PCDHA1: variants seen among roughly 807,000 people sequenced by gnomAD.
PCDHA1 encodes protocadherin alpha-1.
Under a neutral mutation model 61.3 loss-of-function variants are expected in PCDHA1, and 42 were observed. The observed-to-expected ratio is 0.69, with a 90% CI of 0.54 to 0.89. PCDHA1 has a LOEUF of 0.89. Ranked by LOEUF, PCDHA1 falls within the 40% of genes least tolerant of loss-of-function variation. The pLI, the probability that PCDHA1 is intolerant of heterozygous loss-of-function variation, is 0.00. For synonymous variants in PCDHA1, 610 were observed against 553.8 expected, an observed-to-expected ratio of 1.10 and a Z score of -1.43; for missense variants, 1,256 against 1,235.3, an observed-to-expected ratio of 1.02 and a Z score of -0.25.
intron 1 of PCDHA1, among the ~76,000 whole-genome samples, chr5:140,918,027 G>A (rs782291548): frequency 8.5e-5 from 13 of 152,226 alleles, no homozygotes; most frequent in African/African-American, 1.9e-4. Context: ...ACCCATGAGC[G>A]TGGAAGGTCT....
At chr5:140,877,163 C>T (rs782243946) in intron 1 of PCDHA1, 3 of 1,613,816 alleles carry the variant, frequency 1.9e-6, no homozygotes, top group Non-Finnish European at 2.5e-6. Context: ...AACGCGCCGG[C>T]ACTGCTGGCG....
chr5:140,858,272 G>C, intron 1 of PCDHA1: 1 of 1,597,346 alleles, frequency 6.3e-7, no homozygotes, highest in Non-Finnish European at 8.6e-7. Flanking sequence ...GTGCTCTAGC[G>C]CGGTGGGGAG....
rs542875982 is a variant in PCDHA1 at position 140,939,696 on chromosome 5, T to C, written c.2395-39253T>C. On this transcript the variant is annotated intron_variant, in intron 1 of 3. Coordinates refer to ENST00000504120, the MANE Select transcript of PCDHA1 (RefSeq NM_018900.4). Reference sequence around the variant, plus strand: ...TATGTATGTGTGTGTTGCTGGACATTATCATTTGTGAGATACATTTATATT... The same window carrying C: ...TATGTATGTGTGTGTTGCTGGACATCATCATTTGTGAGATACATTTATATT... Among the ~76,000 whole-genome samples the C allele has an allele frequency of 1.6e-4, 24 of 152,340 alleles. No homozygotes were observed. The East Asian group carries it at 2.7e-3, about 17-fold the overall frequency.
At chr5:140,988,959 C>G (rs1308701267) in intron 3 of PCDHA1, 3 of 152,056 alleles carry the variant, frequency 2.0e-5, no homozygotes, top group Non-Finnish European at 4.4e-5. Context: ...CCTTCAAGCC[C>G]CACGATGGAG....
intron 1 of PCDHA1, chr5:140,865,407 G>A (rs2048863469): frequency 6.6e-6 from 1 of 152,160 alleles, no homozygotes; most frequent in Non-Finnish European, 1.5e-5. Flanking sequence ...TGCTGAAAAG[G>A]AATTAGTAGT....
At chr5:140,920,011 C>T (rs782647025) in intron 1 of PCDHA1, among the ~76,000 whole-genome samples, 2 of 152,088 alleles carry the variant, frequency 1.3e-5, no homozygotes, top group Non-Finnish European at 2.9e-5. Context: ...AAAGGCCATG[C>T]GAAGATGGAG....
At chr5:140,856,595 A>G in intron 1 of PCDHA1, 1 of 1,597,868 alleles carries the variant, frequency 6.3e-7, no homozygotes. Context: ...TGATATTATA[A>G]ACAAAAAAGA....
chr5:140,824,555 G>A, intron 1 of PCDHA1: 1 of 172,410 alleles, frequency 5.8e-6, no homozygotes, highest in Non-Finnish European at 1.2e-5. Context: ...GGGCTCAAGT[G>A]ATCCTCCTAT....
At chr5:140,882,860 A>G in intron 1 of PCDHA1, 1 of 1,614,218 alleles carries the variant, frequency 6.2e-7, no homozygotes, top group Non-Finnish European at 8.5e-7. Context: ...TGTACTGAGG[A>G]AAACACTGGA....
intron 1 of PCDHA1, chr5:140,842,145 G>T (rs2150330392): frequency 6.2e-7 from 1 of 1,613,710 alleles, no homozygotes; most frequent in Non-Finnish European, 8.5e-7. Context: ...GGAGCCAATG[G>T]GGCAATTTCA....
At chr5:140,895,267 T>G (rs2064938299) in intron 1 of PCDHA1, among the ~76,000 whole-genome samples, 1 of 152,162 alleles carries the variant, frequency 6.6e-6, no homozygotes. Flanking sequence ...TTTTTCTTAC[T>G]CAGGGATAAT....
intron 1 of PCDHA1, among the ~76,000 whole-genome samples, chr5:140,965,867 C>T (rs1267904737): frequency 1.3e-5 from 2 of 152,164 alleles, no homozygotes; most frequent in Non-Finnish European, 2.9e-5. Context: ...AAAATAAGGG[C>T]CACTTGGCCG....
At chr5:140,844,714 T>C (rs1779510682) in intron 1 of PCDHA1, among the ~76,000 whole-genome samples, 1 of 149,562 alleles carries the variant, frequency 6.7e-6, no homozygotes, top group Admixed American at 6.7e-5. Context: ...TCATGGCCCA[T>C]TAGTTCGTGT....
At chr5:140,858,260 G>A (rs782801879) in intron 1 of PCDHA1, 2 of 1,597,208 alleles carry the variant, frequency 1.3e-6, no homozygotes, top group South Asian at 2.2e-5. Context: ...GCCCACGCTG[G>A]TGTGCTCTAG....
intron 1 of PCDHA1, chr5:140,807,096 GA>G: frequency 7.2e-7 from 1 of 1,390,120 alleles, no homozygotes; most frequent in Non-Finnish European, 9.9e-7. Context: ...CTGAAATATG[GA>G]GGATGCAGCT....
chr5:141,007,325 C>T (rs1303133451), intron 3 of PCDHA1, among the ~76,000 whole-genome samples: 1 of 145,322 alleles, frequency 6.9e-6, no homozygotes, highest in Non-Finnish European at 1.5e-5. Flanking sequence ...CTAAAGTGGA[C>T]AGATTGCCTG....
At chr5:140,804,797 A>C (rs1014699829) in intron 1 of PCDHA1, 20 of 290,524 alleles carry the variant, frequency 6.9e-5, no homozygotes, top group East Asian at 1.2e-4. Flanking sequence ...ACCACTGGAG[A>C]GAAATAGTAA....
rs112292443 is a variant in PCDHA1 at position 140,899,661 on chromosome 5, C to T, written c.2395-79288C>T. Among the ~76,000 whole-genome samples the T allele has an allele frequency of 4.4e-3, 665 of 152,224 alleles. 7 individuals carry two copies. Among genetic ancestry groups the T allele is most frequent in the African/African-American group, 0.015 (620 of 41,530 alleles). ...ATTCTCTTATTTGGTTGTGTCTCTGCCCGGCTTTGGTATCAGGATGATGCT... is the reference window on the plus strand; with the variant it reads ...ATTCTCTTATTTGGTTGTGTCTCTGTCCGGCTTTGGTATCAGGATGATGCT... On this transcript the variant is annotated intron_variant, in intron 1 of 3. Transcript: ENST00000504120.
At chr5:140,871,352 C>CT in intron 1 of PCDHA1, 1 of 1,614,210 alleles carries the variant, frequency 6.2e-7, no homozygotes, top group South Asian at 1.1e-5. Flanking sequence ...TGGTCATACT[C>CT]GCAGCAGAGG....
Sources: allele counts gnomAD v4.1 joint callset (sites outside exome capture counted in the v4.1 genomes callset), GRCh38; gene constraint gnomAD v4.1.1; transcripts MANE v1.5; gene names NCBI Gene and HGNC (gene_info 2026-07-23, HGNC 2026-07-21).